DNER: variants seen among roughly 807,000 people sequenced by gnomAD.
DNER encodes delta and Notch-like epidermal growth factor-related receptor.
DNER carries 33 observed loss-of-function variants against 78.2 expected under a neutral mutation model. The ratio of observed to expected loss-of-function variants is 0.42; its 90% CI spans 0.32 to 0.56. The LOEUF (loss-of-function observed/expected upper bound fraction) is 0.56. DNER is among the 20% of genes least tolerant of loss of function. DNER has a pLI of 0.11. For missense variants in DNER, 918 were observed against 975.3 expected, an observed-to-expected ratio of 0.94 and a Z score of 0.78; for synonymous variants, 417 against 384.8, an observed-to-expected ratio of 1.08 and a Z score of -0.98.
chr2:229,388,656 A>G, intron 10 of DNER, among the ~76,000 whole-genome samples: 1 of 119,020 alleles, frequency 8.4e-6, no homozygotes, highest in Non-Finnish European at 1.7e-5. Flanking sequence ...TAGCACTGGT[A>G]AAAAGAATCT....
intron 9 of DNER, among the ~76,000 whole-genome samples, chr2:229,415,485 A>G (rs988755647): frequency 8.5e-5 from 13 of 152,320 alleles, no homozygotes; most frequent in African/African-American, 2.9e-4. Context: ...GTTATGCAGC[A>G]ATAGATAGCT....
chr2:229,493,387 CT>C (rs1451928739), intron 6 of DNER, among the ~76,000 whole-genome samples: 1 of 152,082 alleles, frequency 6.6e-6, no homozygotes, highest in Non-Finnish European at 1.5e-5. Context: ...AATTAGAAGG[CT>C]TTTATAAAAT....
intron 8 of DNER, among the ~76,000 whole-genome samples, chr2:229,437,304 C>A (rs762664933): frequency 1.3e-5 from 2 of 152,172 alleles, no homozygotes; most frequent in Non-Finnish European, 2.9e-5. Flanking sequence ...TTCAGGCAAA[C>A]CTAAGAGCTC....
At chr2:229,624,835 T>C (rs1698309598) in intron 1 of DNER, among the ~76,000 whole-genome samples, 3 of 152,236 alleles carry the variant, frequency 2.0e-5, no homozygotes, top group Admixed American at 6.5e-5. Context: ...TTCTGGAGGC[T>C]ACACAAATTA....
intron 1 of DNER, among the ~76,000 whole-genome samples, chr2:229,630,704 T>C (rs889208442): frequency 6.6e-6 from 1 of 152,084 alleles, no homozygotes; most frequent in Non-Finnish European, 1.5e-5. Context: ...ACATATGCGA[T>C]GCTGAGGTTT....
At chr2:229,386,680 C>T (rs192083444) in intron 11 of DNER, among the ~76,000 whole-genome samples, 3 of 151,394 alleles carry the variant, frequency 2.0e-5, no homozygotes, top group Non-Finnish European at 4.4e-5. Flanking sequence ...GAACAGATAC[C>T]TCTCAAAAGA....
At chr2:229,403,867 A>G (rs1005389535) in intron 10 of DNER, among the ~76,000 whole-genome samples, 2 of 152,144 alleles carry the variant, frequency 1.3e-5, no homozygotes, top group East Asian at 1.9e-4. Flanking sequence ...GGGGCCCAGG[A>G]CAAGGCTGGA....
intron 1 of DNER, 52 bp downstream of exon 1, chr2:229,714,096 G>C (rs1271014227): frequency 2.4e-6 from 3 of 1,248,048 alleles, no homozygotes; most frequent in Non-Finnish European, 3.0e-6. Flanking sequence ...GGCGGGAAGA[G>C]GCTGCTGGTC....
chr2:229,559,128 A>G (rs1696909770), intron 4 of DNER, among the ~76,000 whole-genome samples: 1 of 152,210 alleles, frequency 6.6e-6, no homozygotes, highest in Admixed American at 6.5e-5. Context: ...AAGTGAATCA[A>G]GATTTCCATC....
chr2:229,579,876 G>T (rs1200765293), intron 4 of DNER, among the ~76,000 whole-genome samples: 1 of 151,880 alleles, frequency 6.6e-6, no homozygotes, highest in Non-Finnish European at 1.5e-5. Context: ...AGCTTGGTAA[G>T]AAGACTTTAT....
At chr2:229,625,767 G>A (rs890100926) in intron 1 of DNER, among the ~76,000 whole-genome samples, 1 of 152,298 alleles carries the variant, frequency 6.6e-6, no homozygotes, top group Admixed American at 6.5e-5. Flanking sequence ...CTTGGTAGCA[G>A]GAATGCAATA....
chr2:229,502,940 G>A (rs898613263), intron 6 of DNER, among the ~76,000 whole-genome samples: 2 of 152,182 alleles, frequency 1.3e-5, no homozygotes, highest in South Asian at 4.1e-4. Flanking sequence ...AGGGGATAGC[G>A]AGAATGCTGG....
chr2:229,629,282 C>A (rs2154215687), intron 1 of DNER, among the ~76,000 whole-genome samples: 2 of 152,324 alleles, frequency 1.3e-5, no homozygotes, highest in Middle Eastern at 3.4e-3. Flanking sequence ...AACCTTAATG[C>A]TTTCCAATAT....
rs1692137935 is a variant in DNER, at chr2:229,358,470, T to C, written c.*70A>G. On this transcript the variant is annotated 3_prime_UTR_variant, in exon 13 of 13. Transcript: ENST00000341772. ...AGCTAGCATTTTAAATTTCTTAAGC[T>C]TTTTATTTTCTTAAAAATATTTAAA... 1 of 1,248,094 alleles carries C rather than the reference T, an allele frequency of 8.0e-7. No homozygotes were observed. Among genetic ancestry groups the C allele is most frequent in the African/African-American group, 1.5e-5 (1 of 64,916 alleles). 77.3% of individuals were successfully genotyped at this position (1,248,094 alleles called of 1,614,324 possible). A position where few individuals can be genotyped will look rare whatever the true frequency, so the allele number is the denominator to read the frequency against.
At chr2:229,622,351 A>C (rs965436084) in intron 1 of DNER, among the ~76,000 whole-genome samples, 1 of 151,732 alleles carries the variant, frequency 6.6e-6, no homozygotes, top group South Asian at 2.1e-4. Flanking sequence ...GACCCCTTTG[A>C]CCCCCAAAGG....
At chr2:229,421,284 T>C (rs1459711618) in intron 8 of DNER, among the ~76,000 whole-genome samples, 1 of 151,874 alleles carries the variant, frequency 6.6e-6, no homozygotes, top group African/African-American at 2.4e-5. Flanking sequence ...AGGGGAAAAA[T>C]GGAGAGCTGC....
At chr2:229,586,170 G>A (rs750424583) in intron 3 of DNER, 146 bp from the exon 4 acceptor site, 21 of 1,010,218 alleles carry the variant, frequency 2.1e-5, no homozygotes, top group South Asian at 7.3e-5. Context: ...ATACGCGGGC[G>A]TCCACTGTAA....
At chr2:229,694,503 C>T (rs1184095586) in intron 1 of DNER, among the ~76,000 whole-genome samples, 1 of 152,188 alleles carries the variant, frequency 6.6e-6, no homozygotes, top group African/African-American at 2.4e-5. Flanking sequence ...CTATACCCTG[C>T]AAAGTCACAG....
intron 4 of DNER, among the ~76,000 whole-genome samples, chr2:229,563,027 A>C (rs1008019566): frequency 1.4e-5 from 2 of 146,802 alleles, no homozygotes; most frequent in African/African-American, 2.5e-5. Context: ...CATCATCATC[A>C]TCCTCCTCAC....
Sources: gnomAD v4.1 joint callset for allele counts (sites outside exome capture counted in the v4.1 genomes callset) on GRCh38, gnomAD v4.1.1 for gene constraint, MANE v1.5 for transcripts, NCBI Gene and HGNC (gene_info 2026-07-23, HGNC 2026-07-21) for gene names.